Variants in PDE7A observed in about 807,000 individuals in gnomAD.
PDE7A encodes the protein high affinity 3',5'-cyclic-AMP phosphodiesterase 7A.
A neutral mutation model predicts 64.3 loss-of-function variants in PDE7A; 39 were observed. That is an observed-to-expected ratio of 0.61 (90% CI 0.47 to 0.79). PDE7A has a LOEUF of 0.79. PDE7A is among the 30% of genes least tolerant of loss of function. The pLI is 0.00. For missense variants in PDE7A, 470 were observed against 582.8 expected (o/e 0.81, Z 1.99); for synonymous variants, 203 against 206.8 (o/e 0.98, Z 0.16).
chr8:65,765,213 G>A (rs1808705533), intron 3 of PDE7A, among the ~76,000 whole-genome samples: 1 of 152,048 alleles, frequency 6.6e-6, no homozygotes, highest in Non-Finnish European at 1.5e-5. Context: ...GGGCGAGCCG[G>A]GCGCGGTGGC....
Position 65,790,465 on chromosome 8 carries a change from C to T in PDE7A, c.139-7622G>A, listed in dbSNP as rs962999573. ...GTGACTGCAGTCCATGACAAGACAA[C>T]GTCATCTGATTATCAATGTACACAA... On this transcript the variant is annotated intron_variant, in intron 1 of 12. Coordinates refer to ENST00000401827, the MANE Select transcript of PDE7A (RefSeq NM_001242318.3). 1.2e-4 allele frequency among the ~76,000 whole-genome samples: 18 copies of T among 152,210 alleles called. 1 individual carries two copies. Among genetic ancestry groups the T allele is most frequent in the Middle Eastern group, 3.4e-3 (1 of 294 alleles).
In PDE7A at chr8:65,841,404, G is replaced by A; in HGVS notation, c.105C>T (p.Leu35=). The change falls in exon 1 of 13, where the codon CTC becomes CTT. Residue 35 remains leucine, a synonymous_variant. Coordinates refer to ENST00000401827, the MANE Select transcript of PDE7A (RefSeq NM_001242318.3). ...GAISFSSSSA[L]FGCPNPRQLS... ...GCTGCCGGGGATTGGGGCAGCCGAA[G>A]AGAGCGGAGCTGGAGCTGAAGCTGA... is the stretch of plus-strand genomic sequence containing the variant. 3.8e-6 allele frequency: 6 copies of A among 1,566,032 alleles called. No homozygotes were observed. The highest frequency in any genetic ancestry group is 5.2e-6 in the Non-Finnish European group (6 of 1,160,110).
rs115406520 is a variant in PDE7A, at chr8:65,780,211, T to A, written c.200-408A>T. Among the ~76,000 whole-genome samples, 822 of 152,188 alleles carry A rather than the reference T, an allele frequency of 5.4e-3. 5 individuals are homozygous for A. Among genetic ancestry groups the A allele is most frequent in the African/African-American group, 0.019 (795 of 41,520 alleles). On this transcript the variant is annotated intron_variant, in intron 2 of 12. Transcript: ENST00000401827. ...TCCTCAGCACAAAACTTTAGAAAGC[T>A]GCAGAAAGAAGCAACATATTTATTA...
At chr8:65,764,223 C>A (rs1808655026) in intron 3 of PDE7A, among the ~76,000 whole-genome samples, 1 of 152,004 alleles carries the variant, frequency 6.6e-6, no homozygotes, top group South Asian at 2.1e-4. Flanking sequence ...TGGGATATCG[C>A]CATAAACTAT....
intron 1 of PDE7A, among the ~76,000 whole-genome samples, chr8:65,809,145 T>C (rs143010550): frequency 6.6e-6 from 1 of 152,304 alleles, no homozygotes; most frequent in East Asian, 1.9e-4. Flanking sequence ...TCTTCTCATT[T>C]GTTAAATGGA....
intron 1 of PDE7A, among the ~76,000 whole-genome samples, chr8:65,827,413 C>T (rs903355889): frequency 3.9e-5 from 6 of 152,150 alleles, no homozygotes; most frequent in Non-Finnish European, 8.8e-5. Flanking sequence ...TATAGAGACC[C>T]TCAAATATTT....
Position 65,779,623 on chromosome 8 carries a change from GT to G in PDE7A, c.283+96del, listed in dbSNP as rs539563808. 66 of 654,384 alleles carry G rather than the reference GT, an allele frequency of 1.0e-4. No homozygotes were observed. In the Middle Eastern group the frequency reaches 2.3e-3, roughly 23 times the overall value. 40.5% of individuals were successfully genotyped at this position (654,384 alleles called of 1,614,324 possible). On this transcript the variant is annotated intron_variant, in intron 3 of 12. Coordinates refer to ENST00000401827, the MANE Select transcript of PDE7A (RefSeq NM_001242318.3). ...TTAAAAACATTCCAAACATAATAGAGTTTTTTTTCTGGTATTCTTTTTCCCT... is the reference window on the plus strand; with the variant it reads ...TTAAAAACATTCCAAACATAATAGAGTTTTTTTCTGGTATTCTTTTTCCCT...
At chr8:65,733,148 G>A (rs1055815809) in intron 7 of PDE7A, among the ~76,000 whole-genome samples, 1 of 152,136 alleles carries the variant, frequency 6.6e-6, no homozygotes, top group Non-Finnish European at 1.5e-5. Flanking sequence ...GATGAAAAGT[G>A]TTTAAGTATT....
intron 12 of PDE7A, chr8:65,722,838 G>A (rs1206431363): frequency 1.3e-5 from 2 of 152,220 alleles, no homozygotes; most frequent in Non-Finnish European, 2.9e-5. Context: ...AAAAGTGACT[G>A]ACTCTGCCTA....
At chr8:65,762,641 C>T (rs1430609819) in intron 3 of PDE7A, among the ~76,000 whole-genome samples, 1 of 151,816 alleles carries the variant, frequency 6.6e-6, no homozygotes, top group African/African-American at 2.4e-5. Flanking sequence ...ACATTTTTGG[C>T]AAAGAAAAAG....
intron 1 of PDE7A, among the ~76,000 whole-genome samples, chr8:65,835,447 A>C (rs1290839419): frequency 6.6e-6 from 1 of 152,262 alleles, no homozygotes; most frequent in African/African-American, 2.4e-5. Context: ...TAATCCAGTT[A>C]AATGACTGTT....
chr8:65,825,523 C>T (rs1431988412), intron 1 of PDE7A, among the ~76,000 whole-genome samples: 1 of 152,148 alleles, frequency 6.6e-6, no homozygotes, highest in African/African-American at 2.4e-5. Flanking sequence ...CTTTTCTAAA[C>T]TTCAACGCAT....
At chr8:65,822,593 A>G (rs1810568979) in intron 1 of PDE7A, among the ~76,000 whole-genome samples, 1 of 152,250 alleles carries the variant, frequency 6.6e-6, no homozygotes, top group Admixed American at 6.5e-5. Flanking sequence ...AACATACTGA[A>G]GTCGGAACAG....
At chr8:65,819,272 C>T (rs1458901480) in intron 1 of PDE7A, among the ~76,000 whole-genome samples, 1 of 152,204 alleles carries the variant, frequency 6.6e-6, no homozygotes, top group East Asian at 1.9e-4. Flanking sequence ...GTGGCACATG[C>T]CTGTGATCCC....
chr8:65,790,839 A>T (rs1186952717), intron 1 of PDE7A, among the ~76,000 whole-genome samples: 1 of 152,246 alleles, frequency 6.6e-6, no homozygotes, highest in Non-Finnish European at 1.5e-5. Flanking sequence ...TCTAGCAACT[A>T]AACTTGAAGG....
intron 1 of PDE7A, among the ~76,000 whole-genome samples, chr8:65,814,633 G>A (rs1305449134): frequency 1.3e-5 from 2 of 151,764 alleles, no homozygotes; most frequent in Admixed American, 6.6e-5. Context: ...AAGCATTCAG[G>A]AAACTATAAA....
chr8:65,740,496 G>A (rs1197026213), intron 5 of PDE7A, among the ~76,000 whole-genome samples: 1 of 152,074 alleles, frequency 6.6e-6, no homozygotes, highest in Non-Finnish European at 1.5e-5. Flanking sequence ...CACCTCCTGA[G>A]TTCAAGCGAT....
intron 7 of PDE7A, among the ~76,000 whole-genome samples, chr8:65,731,262 C>T (rs1806874406): frequency 6.6e-6 from 1 of 152,134 alleles, no homozygotes. Context: ...GCAAGAAAGG[C>T]AACTCAACCA....
intron 1 of PDE7A, among the ~76,000 whole-genome samples, chr8:65,819,802 G>A (rs1810497243): frequency 6.6e-6 from 1 of 152,174 alleles, no homozygotes; most frequent in Admixed American, 6.5e-5. Context: ...CAGTCACATA[G>A]GCTCCATTTC....
Sources: gnomAD v4.1 joint callset for allele counts (sites outside exome capture counted in the v4.1 genomes callset) on GRCh38, gnomAD v4.1.1 for gene constraint, MANE v1.5 for transcripts, NCBI Gene and HGNC (gene_info 2026-07-23, HGNC 2026-07-21) for gene names.